The following SMC4 variants were observed in gnomAD, a reference collection of about 807,000 sequenced individuals.
SMC4 encodes the protein structural maintenance of chromosomes protein 4.
In SMC4, 87 loss-of-function variants were observed where a neutral mutation model predicts 145.6. That is an observed-to-expected ratio of 0.60 (90% CI 0.50 to 0.71). The LOEUF is 0.71. Ranked by LOEUF, SMC4 falls within the 30% of genes least tolerant of loss-of-function variation. The pLI, the probability that SMC4 is intolerant of heterozygous loss-of-function variation, is 0.00. For synonymous variants in SMC4, 558 were observed against 500.7 expected, an observed-to-expected ratio of 1.11 and a Z score of -1.53; for missense variants, 1,447 against 1,537.1, an observed-to-expected ratio of 0.94 and a Z score of 0.98.
At chr3:160,432,984 G>C (rs1337099580) in intron 22 of SMC4, 42 bp from the exon 23 acceptor site, 1 of 1,407,096 alleles carries the variant, frequency 7.1e-7, no homozygotes, top group Non-Finnish European at 1.0e-6. Context: ...CTTAACTTTA[G>C]CTTTACAGGT....
Position 160,412,355 on chromosome 3 carries a change from A to G in SMC4, c.882A>G (p.Glu294=). 6.2e-7 allele frequency: 1 copy of G among 1,602,380 alleles called. No homozygotes were observed. The highest frequency in any genetic ancestry group is 8.5e-7 in the Non-Finnish European group (1 of 1,169,846). Residue 294 remains glutamate (E), a synonymous_variant, in exon 7 of 24, where the codon GAA becomes GAG. Coordinates refer to ENST00000357388, the MANE Select transcript of SMC4 (RefSeq NM_001002800.3). The stretch of plus-strand genomic sequence containing the variant: ...ACAGGGTAAAGATGGTGGAAAAGGA[A>G]AAGGATGCCTTAGAAGGAGAGAAAA... ...KLNRVKMVEK[E]KDALEGEKNI...
Position 160,412,357 on chromosome 3 carries a change from A to G in SMC4, c.884A>G (p.Lys295Arg), listed in dbSNP as rs755839607. 6.6e-5 allele frequency: 105 copies of G among 1,601,072 alleles called. No individual in the cohort carries two copies. The highest frequency in any genetic ancestry group is 8.9e-5 in the Non-Finnish European group (104 of 1,168,896). ...AGGGTAAAGATGGTGGAAAAGGAAAAGGATGCCTTAGAAGGAGAGAAAAAC... is the reference window on the plus strand; with the variant it reads ...AGGGTAAAGATGGTGGAAAAGGAAAGGGATGCCTTAGAAGGAGAGAAAAAC... ...LNRVKMVEKE[K>R]DALEGEKNIA... is the part of the protein sequence containing the mutation. Residue 295 changes from lysine (K) to arginine (R), a missense_variant, in exon 7 of 24, where the codon AAG becomes AGG. Lys to Arg is a conservative substitution (Grantham distance 26). Coordinates refer to ENST00000357388, the MANE Select transcript of SMC4 (RefSeq NM_001002800.3).
At chr3:160,418,091 G>A (rs1716778420) in intron 11 of SMC4, 135 bp downstream of exon 11, 6 of 712,786 alleles carry the variant, frequency 8.4e-6, no homozygotes, top group Non-Finnish European at 1.2e-5. Context: ...AAAGAATGAG[G>A]TCAGCATTTC....
At chr3:160,418,897 C>T (rs1446008602) in intron 11 of SMC4, among the ~76,000 whole-genome samples, 3 of 152,008 alleles carry the variant, frequency 2.0e-5, no homozygotes, top group South Asian at 2.1e-4. Context: ...AGTCATCTTT[C>T]GTTTCAGAGG....
rs771193618 is a variant in SMC4 at position 160,424,852 on chromosome 3, A to G, written c.2326-15A>G. On this transcript the variant is annotated splice_polypyrimidine_tract_variant and intron_variant, in intron 15 of 23. Transcript: ENST00000357388. ...GTCAATCTGAAATGGCTCTTAGAGA[A>G]AACTTTCTTTGTAGGTAAACAAAAT... The G allele has an allele frequency of 3.2e-5, 51 of 1,612,858 alleles. No homozygotes were observed. Among genetic ancestry groups the G allele is most frequent in the Middle Eastern group, 3.3e-4 (2 of 5,976 alleles).
chr3:160,432,117 G>A (rs978256034), intron 21 of SMC4, among the ~76,000 whole-genome samples, 166 bp from the exon 22 acceptor site: 9 of 152,232 alleles, frequency 5.9e-5, no homozygotes, highest in Non-Finnish European at 1.2e-4. Context: ...CAGGAGAATC[G>A]CTTGAACCTG....
chr3:160,400,987 G>C (rs945231849), intron 2 of SMC4, 22 bp downstream of exon 2: 76 of 1,379,156 alleles, frequency 5.5e-5, no homozygotes, highest in Non-Finnish European at 6.0e-5. Flanking sequence ...GCCGCGACTC[G>C]GCGGGAACGC....
chr3:160,400,476 G>A (rs1714436064), intron 1 of SMC4: 1 of 183,456 alleles, frequency 5.5e-6, no homozygotes, highest in African/African-American at 2.3e-5. Context: ...CTGGCGTATG[G>A]GAGTTCCTTA....
At chr3:160,416,223 G>A in intron 9 of SMC4, 28 bp from the exon 10 acceptor site, 2 of 1,499,798 alleles carry the variant, frequency 1.3e-6, no homozygotes, top group Non-Finnish European at 1.8e-6. Context: ...AAAGATGTAT[G>A]CTCCTATAAC....
intron 13 of SMC4, among the ~76,000 whole-genome samples, chr3:160,421,701 G>A (rs553843624): frequency 1.1e-4 from 16 of 152,232 alleles, no homozygotes; most frequent in Admixed American, 2.0e-4. Context: ...CCTAGATTGC[G>A]CCACTGCACT....
intron 1 of SMC4, chr3:160,400,609 G>C (rs1436312387): frequency 1.9e-6 from 1 of 529,798 alleles, no homozygotes; most frequent in Non-Finnish European, 3.2e-6. Flanking sequence ...GGCACGTCTA[G>C]ATTTTCCCAC....
chr3:160,408,889 C>CT (rs373287400), intron 5 of SMC4, among the ~76,000 whole-genome samples: 1 of 152,166 alleles, frequency 6.6e-6, no homozygotes, highest in African/African-American at 2.4e-5. Context: ...CCACAGTAGT[C>CT]TTAATAGTCA....
At position 160,424,279 on chromosome 3, in the gene SMC4, C is replaced by T. The variant is rs562400911; in HGVS notation, c.2325+439C>T. ...AAAACATGTTCTGAAATAGCTTGAA[C>T]ACCTTTTCCCAAAGTGTTGTGCTTT... On this transcript the variant is annotated intron_variant, in intron 15 of 23. Coordinates refer to ENST00000357388, the MANE Select transcript of SMC4 (RefSeq NM_001002800.3). Among the ~76,000 whole-genome samples, 18 of 152,280 alleles carry T rather than the reference C, an allele frequency of 1.2e-4. No individual in the cohort carries two copies. The South Asian group carries it at 3.5e-3, about 30-fold the overall frequency.
intron 5 of SMC4, among the ~76,000 whole-genome samples, chr3:160,409,265 C>CAAAAAAAAAAAAAAAAAAAAAAAAAA (rs10547167): frequency 1.6e-5 from 1 of 61,946 alleles, no homozygotes; most frequent in Non-Finnish European, 2.8e-5. Flanking sequence ...AACTCCGTCT[C>CAAAAAAAAAAAAAAAAAAAAAAAAAA]AAAAAAAAAA....
intron 2 of SMC4, 21 bp from the exon 3 acceptor site, chr3:160,401,894 C>A (rs549130057): frequency 3.9e-6 from 6 of 1,528,206 alleles, no homozygotes; most frequent in African/African-American, 1.4e-5. Context: ...CCTTCGTTTT[C>A]CTTTCCTTTC....
chr3:160,409,791 G>A (rs920127608), intron 5 of SMC4, among the ~76,000 whole-genome samples: 2 of 152,162 alleles, frequency 1.3e-5, no homozygotes, highest in African/African-American at 4.8e-5. Context: ...TCTAGACTAG[G>A]CATGGTGGGT....
intron 21 of SMC4, 57 bp from the exon 22 acceptor site, chr3:160,432,226 C>T: frequency 8.0e-7 from 1 of 1,249,318 alleles, no homozygotes; most frequent in Non-Finnish European, 1.1e-6. Flanking sequence ...ATTAACAATG[C>T]TAATTATCAT....
intron 5 of SMC4, among the ~76,000 whole-genome samples, chr3:160,407,756 T>G (rs1024470802): frequency 5.9e-5 from 9 of 152,236 alleles, no homozygotes; most frequent in Admixed American, 3.3e-4. Flanking sequence ...AAATTTTTAG[T>G]TTTTTCAGTA....
chr3:160,416,274 T>TG lies in SMC4; in HGVS notation c.1297dup (p.Ala433GlyfsTer4). On this transcript the variant is annotated frameshift_variant, in exon 10 of 24. Coordinates refer to ENST00000357388, the MANE Select transcript of SMC4 (RefSeq NM_001002800.3). LOFTEE classifies it high-confidence loss of function. The stretch of plus-strand genomic sequence containing the variant: ...AGGTTGAAGAATTTAAAAGTATACC[T>TG]GCCAAGAGTAACAATATCATTAATG... 1.3e-6 allele frequency: 2 copies of TG among 1,594,990 alleles called. No individual in the cohort carries two copies. The highest frequency in any genetic ancestry group is 1.7e-6 in the Non-Finnish European group (2 of 1,173,040).
Sources: gnomAD v4.1 joint callset for allele counts (sites outside exome capture counted in the v4.1 genomes callset) on GRCh38, gnomAD v4.1.1 for gene constraint, MANE v1.5 for transcripts, NCBI Gene and HGNC (gene_info 2026-07-23, HGNC 2026-07-21) for gene names.